The following PTPRM variants were observed in gnomAD, a reference collection of about 807,000 sequenced individuals.
PTPRM encodes the protein protein tyrosine phosphatase receptor type M.
A neutral mutation model predicts 186.7 loss-of-function variants in PTPRM; 47 were observed. The observed-to-expected ratio is 0.25, with a 90% CI of 0.20 to 0.32. The LOEUF is 0.32. PTPRM is among the 10% of genes least tolerant of loss of function. The pLI, the probability that PTPRM is intolerant of heterozygous loss-of-function variation, is 1.00. For missense variants in PTPRM, 1,494 were observed against 1,865.0 expected (o/e 0.80, Z 3.66); for synonymous variants, 668 against 674.9 (o/e 0.99, Z 0.16).
intron 1 of PTPRM, among the ~76,000 whole-genome samples, chr18:7,659,929 G>T (rs574675237): frequency 6.6e-6 from 1 of 152,206 alleles, no homozygotes; most frequent in Non-Finnish European, 1.5e-5. Flanking sequence ...TTCCCACTCT[G>T]TTGGGTTCAG....
chr18:8,229,234 G>T (rs181613765), intron 14 of PTPRM, among the ~76,000 whole-genome samples: 3 of 152,252 alleles, frequency 2.0e-5, no homozygotes, highest in Admixed American at 2.0e-4. Flanking sequence ...GAACAGAAGA[G>T]GCATAAAGCC....
intron 23 of PTPRM, among the ~76,000 whole-genome samples, chr18:8,351,547 G>A (rs1358378103): frequency 3.6e-5 from 5 of 138,980 alleles, no homozygotes; most frequent in Non-Finnish European, 6.7e-5. Context: ...GAAGCAATTG[G>A]TCAAGAACCT....
intron 3 of PTPRM, among the ~76,000 whole-genome samples, chr18:7,897,240 T>C (rs546970087): frequency 1.3e-5 from 2 of 152,334 alleles, no homozygotes; most frequent in African/African-American, 2.4e-5. Context: ...GAGCCAGAAT[T>C]TGGGCTTTGC....
chr18:7,912,997 T>C (rs574525744), intron 4 of PTPRM, among the ~76,000 whole-genome samples: 1 of 152,224 alleles, frequency 6.6e-6, no homozygotes, highest in Non-Finnish European at 1.5e-5. Flanking sequence ...TTTCCTTTTA[T>C]TGAAGTCTTT....
At chr18:7,669,729 T>C (rs2039175468) in intron 1 of PTPRM, among the ~76,000 whole-genome samples, 1 of 152,088 alleles carries the variant, frequency 6.6e-6, no homozygotes, top group South Asian at 2.1e-4. Context: ...ATCTTTTACT[T>C]TATTTTTTTT....
At chr18:8,071,237 T>C (rs1337320513) in intron 8 of PTPRM, among the ~76,000 whole-genome samples, 1 of 152,232 alleles carries the variant, frequency 6.6e-6, no homozygotes, top group Non-Finnish European at 1.5e-5. Flanking sequence ...GAAGATGGTG[T>C]CCACATTGTC....
intron 2 of PTPRM, among the ~76,000 whole-genome samples, chr18:7,781,727 A>G (rs1406940775): frequency 6.6e-6 from 1 of 152,118 alleles, no homozygotes. Flanking sequence ...CATCTGACAC[A>G]TTTCCTTTAT....
At chr18:7,676,546 A>G (rs1250870297) in intron 1 of PTPRM, among the ~76,000 whole-genome samples, 1 of 151,886 alleles carries the variant, frequency 6.6e-6, no homozygotes, top group Non-Finnish European at 1.5e-5. Flanking sequence ...CCAAAATTTT[A>G]TGTCTCAGAC....
At position 7,930,349 on chromosome 18, in the gene PTPRM, C is replaced by T. The variant is rs778741489; in HGVS notation, c.663+3666C>T. On this transcript the variant is annotated intron_variant, in intron 5 of 32. Transcript: ENST00000580170. Reference sequence around the variant, plus strand: ...CCTCCCAAAGTGCTAGGATTACAGACGTGAGCCACCATGCCCGACCTATTT... The same window carrying T: ...CCTCCCAAAGTGCTAGGATTACAGATGTGAGCCACCATGCCCGACCTATTT... Among the ~76,000 whole-genome samples the T allele has an allele frequency of 6.4e-4, 97 of 152,274 alleles. 1 individual carries two copies. In the Middle Eastern group the frequency reaches 0.01, roughly 16 times the overall value.
At chr18:8,126,358 A>G (rs1444588968) in intron 13 of PTPRM, among the ~76,000 whole-genome samples, 1 of 151,928 alleles carries the variant, frequency 6.6e-6, no homozygotes, top group Admixed American at 6.6e-5. Flanking sequence ...TCTTTTTAAT[A>G]TGTATATATA....
chr18:7,839,642 G>A (rs1309781772), intron 2 of PTPRM, among the ~76,000 whole-genome samples: 1 of 152,200 alleles, frequency 6.6e-6, no homozygotes, highest in Non-Finnish European at 1.5e-5. Flanking sequence ...GCCACAAGCT[G>A]TGGAGCTTGG....
At chr18:7,778,227 G>A (rs929977509) in intron 2 of PTPRM, among the ~76,000 whole-genome samples, 6 of 152,120 alleles carry the variant, frequency 3.9e-5, no homozygotes, top group East Asian at 3.9e-4. Context: ...GAGCAGTGAC[G>A]TTAGCTCTGG....
Position 7,871,692 on chromosome 18 carries a change from G to A in PTPRM, c.197-16414G>A. 1.3e-5 allele frequency among the ~76,000 whole-genome samples: 2 copies of A among 152,124 alleles called. 1 individual carries two copies. The highest frequency in any genetic ancestry group is 1.3e-4 in the Admixed American group (2 of 15,262). ...CCCTTTCTCTAAAGAGCTGTCACTA[G>A]CACCCCACCTCCCTGAGCTAGCTTC... On this transcript the variant is annotated intron_variant, in intron 2 of 32. Transcript: ENST00000580170.
At chr18:7,633,581 G>T (rs888565151) in intron 1 of PTPRM, among the ~76,000 whole-genome samples, 4 of 152,086 alleles carry the variant, frequency 2.6e-5, no homozygotes, top group African/African-American at 9.7e-5. Flanking sequence ...TGTGTGTAGT[G>T]TGTGGTTGTC....
intron 24 of PTPRM, among the ~76,000 whole-genome samples, chr18:8,372,057 T>TATATATATATATATATATATA (rs1568850625): frequency 2.1e-4 from 9 of 42,982 alleles, no homozygotes; most frequent in African/African-American, 8.6e-4. Context: ...CTCTATATTC[T>TATATATATATATATATATATA]TTTTTTTTTT....
At position 8,406,727 on chromosome 18, in the gene PTPRM, G is replaced by C. The variant is rs1257081047; in HGVS notation, c.*565G>C. The C allele has an allele frequency of 1.3e-5, 2 of 152,348 alleles. No individual in the cohort carries two copies. The highest frequency in any genetic ancestry group is 2.9e-5 in the Non-Finnish European group (2 of 68,122). 9.4% of individuals were successfully genotyped at this position (152,348 alleles called of 1,614,324 possible). A position where few individuals can be genotyped will look rare whatever the true frequency, so the allele number is the denominator to read the frequency against. Reference sequence around the variant, plus strand: ...ATTGTTTCCAAGGGAAAAGCTTGGGGGAGGACTCAGTTCACAAAATGCAAA... The same window carrying C: ...ATTGTTTCCAAGGGAAAAGCTTGGGCGAGGACTCAGTTCACAAAATGCAAA... On this transcript the variant is annotated 3_prime_UTR_variant, in exon 33 of 33. Coordinates refer to ENST00000580170, the MANE Select transcript of PTPRM (RefSeq NM_001105244.2).
chr18:7,731,748 TATA>T, intron 1 of PTPRM, among the ~76,000 whole-genome samples: 1 of 152,258 alleles, frequency 6.6e-6, no homozygotes, highest in East Asian at 1.9e-4. Flanking sequence ...CACGAAATAA[TATA>T]ACAGACCCTT....
intron 1 of PTPRM, among the ~76,000 whole-genome samples, chr18:7,632,781 C>T (rs1055426934): frequency 6.6e-5 from 10 of 152,276 alleles, no homozygotes; most frequent in Admixed American, 2.0e-4. Flanking sequence ...AGCAAAGCTA[C>T]GTGCTGTTTA....
intron 7 of PTPRM, among the ~76,000 whole-genome samples, chr18:8,051,461 G>C (rs1488457906): frequency 6.6e-6 from 1 of 152,162 alleles, no homozygotes. Flanking sequence ...CCAGAACAGA[G>C]GTAGCCAATA....
Sources: gnomAD v4.1 joint callset for allele counts (sites outside exome capture counted in the v4.1 genomes callset) on GRCh38, gnomAD v4.1.1 for gene constraint, MANE v1.5 for transcripts, NCBI Gene and HGNC (gene_info 2026-07-23, HGNC 2026-07-21) for gene names.